Variants in G2E3 observed in about 807,000 individuals in gnomAD.
G2E3 encodes the protein G2/M phase-specific E3 ubiquitin-protein ligase.
Under a neutral mutation model 92.8 loss-of-function variants are expected in G2E3, and 35 were observed. The observed-to-expected ratio is 0.38, with a 90% CI of 0.29 to 0.50. G2E3 has a LOEUF of 0.50. Among genes scored for constraint, G2E3 ranks in the 20% least tolerant of loss-of-function variants. The probability of loss-of-function intolerance (pLI) is 0.94; values close to 1 mark genes in which losing one functional copy is unlikely to be tolerated. For synonymous variants in G2E3, 242 were observed against 272.4 expected (o/e 0.89, Z 1.10); for missense variants, 554 against 823.8 (o/e 0.67, Z 4.01).
At chr14:30,564,719 A>G (rs1879330057) in intron 1 of G2E3, among the ~76,000 whole-genome samples, 1 of 148,848 alleles carries the variant, frequency 6.7e-6, no homozygotes, top group Non-Finnish European at 1.5e-5. Flanking sequence ...GTTCCAAAAC[A>G]TGTAACCTTT....
chr14:30,577,335 TTG>T (rs560469786), intron 1 of G2E3, among the ~76,000 whole-genome samples: 109 of 152,280 alleles, frequency 7.2e-4, no homozygotes, highest in Admixed American at 1.6e-3. Flanking sequence ...CTTACTTTTT[TTG>T]TGTTAGTTAT....
intron 10 of G2E3, 134 bp downstream of exon 10, chr14:30,602,265 A>G: frequency 1.6e-6 from 1 of 638,408 alleles, no homozygotes; most frequent in Non-Finnish European, 2.6e-6. Flanking sequence ...TCAGGACCCA[A>G]CATTTGATCA....
chr14:30,615,153 CAT>C (rs1278137255), intron 13 of G2E3, among the ~76,000 whole-genome samples, 194 bp from the exon 14 acceptor site: 5 of 152,062 alleles, frequency 3.3e-5, no homozygotes, highest in Non-Finnish European at 2.9e-5. Context: ...TTGAAAGTAT[CAT>C]GTGTAGTATA....
At chr14:30,608,501 G>GGA (rs1162285915) in intron 12 of G2E3, among the ~76,000 whole-genome samples, 1 of 152,214 alleles carries the variant, frequency 6.6e-6, no homozygotes, top group African/African-American at 2.4e-5. Context: ...CCTTCTATAG[G>GGA]GAGGTATGAA....
chr14:30,578,332 A>G (rs1054416446), intron 1 of G2E3, among the ~76,000 whole-genome samples: 2 of 152,224 alleles, frequency 1.3e-5, no homozygotes, highest in African/African-American at 4.8e-5. Context: ...GAACTCCTAT[A>G]TATCCTTTAT....
chr14:30,563,974 C>G (rs1879282994), intron 1 of G2E3, among the ~76,000 whole-genome samples: 1 of 152,204 alleles, frequency 6.6e-6, no homozygotes, highest in Non-Finnish European at 1.5e-5. Flanking sequence ...CCGCTTCAGC[C>G]TCCCAAAGTC....
chr14:30,600,900 C>T (rs1881536804), intron 8 of G2E3, among the ~76,000 whole-genome samples: 1 of 152,190 alleles, frequency 6.6e-6, no homozygotes, highest in African/African-American at 2.4e-5. Flanking sequence ...CTACCTTCTA[C>T]AATTGTGAGG....
chr14:30,614,557 C>G (rs535705278), intron 13 of G2E3, among the ~76,000 whole-genome samples: 43 of 152,314 alleles, frequency 2.8e-4, no homozygotes, highest in African/African-American at 9.9e-4. Flanking sequence ...CTCTTAAGGA[C>G]CCTATCTCCC....
chr14:30,616,663 T>C lies in G2E3; in HGVS notation c.*129T>C, dbSNP rs1882330413. ...TCTTGACCTAATAAAATTTATGATA[T>C]GAATATAAAGGAATATTATAGCCAC... On this transcript the variant is annotated 3_prime_UTR_variant, in exon 15 of 15. Coordinates refer to ENST00000206595, the MANE Select transcript of G2E3 (RefSeq NM_017769.5). 1.4e-6 allele frequency: 1 copy of C among 697,232 alleles called. No individual in the cohort carries two copies. Among genetic ancestry groups the C allele is most frequent in the Non-Finnish European group, 2.3e-6 (1 of 427,056 alleles). The allele number at this position is 697,232 out of a possible 1,614,324, so 43.2% of individuals were successfully genotyped here. A position where few individuals can be genotyped will look rare whatever the true frequency, so the allele number is the denominator to read the frequency against.
intron 1 of G2E3, among the ~76,000 whole-genome samples, chr14:30,575,775 C>T (rs1594471634): frequency 1.3e-5 from 2 of 151,966 alleles, no homozygotes; most frequent in Admixed American, 1.3e-4. Context: ...ACAGTGGCTA[C>T]AAAAAGAATG....
chr14:30,573,165 T>C (rs1879868496), intron 1 of G2E3, among the ~76,000 whole-genome samples: 1 of 152,130 alleles, frequency 6.6e-6, no homozygotes. Context: ...GTTTATTATT[T>C]CCTAGAATGT....
chr14:30,605,891 A>G (rs1881810912), intron 11 of G2E3, 79 bp downstream of exon 11: 2 of 695,570 alleles, frequency 2.9e-6, no homozygotes, highest in South Asian at 2.3e-5. Flanking sequence ...TAGAATTGAT[A>G]TTTAATACCT....
rs149983595 is a variant in G2E3 at position 30,571,061 on chromosome 14, C to T, written c.-4-10015C>T. ...TAACATAAGGTCACAGAAATTTTCT[C>T]CTCTGTGTTTTTTCTAGAAATTTTA... On this transcript the variant is annotated intron_variant, in intron 1 of 14. Transcript: ENST00000206595. 1.0e-3 allele frequency among the ~76,000 whole-genome samples: 153 copies of T among 151,976 alleles called. 1 individual carries two copies. The highest frequency in any genetic ancestry group is 3.4e-3 in the African/African-American group (141 of 41,468).
Position 30,586,750 on chromosome 14 carries a change from C to T in G2E3, c.70C>T (p.Pro24Ser), listed in dbSNP as rs774906986. ...TTTCTGTCGAAAACATGATGACTGT[C>T]CTAATAAATACGGAGAAAAGAAAAC... ...CVFCRKHDDC[P>S]NKYGEKKTKE... The change falls in exon 3 of 15, where the codon CCT becomes TCT. Residue 24 changes from proline (P) to serine (S), a missense_variant. Pro to Ser is a moderately conservative substitution (Grantham distance 74, BLOSUM62 -1). This residue lies in a region of G2E3 where 137 missense variants were observed against 201.3 expected (regional missense o/e 0.68). Transcript: ENST00000206595. The T allele has an allele frequency of 7.0e-7, 1 of 1,432,132 alleles. No homozygotes were observed. The highest frequency in any genetic ancestry group is 1.4e-5 in the South Asian group (1 of 73,628). 88.7% of individuals were successfully genotyped at this position (1,432,132 alleles called of 1,614,324 possible).
chr14:30,603,505 G>A (rs1881679809), intron 10 of G2E3, among the ~76,000 whole-genome samples: 1 of 152,116 alleles, frequency 6.6e-6, no homozygotes. Flanking sequence ...TAGGGAAGAA[G>A]TAGAAAATTA....
chr14:30,586,482 C>T (rs1192046104), intron 2 of G2E3, among the ~76,000 whole-genome samples: 2 of 152,110 alleles, frequency 1.3e-5, no homozygotes, highest in East Asian at 1.9e-4. Context: ...GACGTTACTT[C>T]ATAAATTGCC....
rs1882474074 is a variant in G2E3 at position 30,619,701 on chromosome 14, C to CTA, written c.*3169_*3170dup. On this transcript the variant is annotated 3_prime_UTR_variant, in exon 15 of 15. Coordinates refer to ENST00000206595, the MANE Select transcript of G2E3 (RefSeq NM_017769.5). ...TCATAAACATATCCCAGTACCTACA[C>CTA]TATGCCAGGTATTATGCTAGGTGAT... The CTA allele has an allele frequency of 6.6e-6, 1 of 152,146 alleles. No individual in the cohort carries two copies. Among genetic ancestry groups the CTA allele is most frequent in the Admixed American group, 6.5e-5 (1 of 15,270 alleles). The allele number at this position is 152,146 out of a possible 1,614,324, so 9.4% of individuals were successfully genotyped here.
chr14:30,589,475 T>G lies in G2E3; in HGVS notation c.228T>G (p.Ala76=). 3 of 1,466,142 alleles carry G rather than the reference T, an allele frequency of 2.0e-6. No individual in the cohort carries two copies. The highest frequency in any genetic ancestry group is 2.9e-6 in the Non-Finnish European group (3 of 1,049,606). The allele number at this position is 1,466,142 out of a possible 1,614,324, so 90.8% of individuals were successfully genotyped here. Residue 76 remains alanine, a synonymous_variant, in exon 4 of 15, where the codon GCT becomes GCG. Coordinates refer to ENST00000206595, the MANE Select transcript of G2E3 (RefSeq NM_017769.5). Reference sequence around the variant, plus strand: ...ATATCAGGAAGGAAGTGAATAGAGCTTCTAAACTGGTAAGTAAATTATTTT... The same window carrying G: ...ATATCAGGAAGGAAGTGAATAGAGCGTCTAAACTGGTAAGTAAATTATTTT... ...IEDIRKEVNR[A]SKLKCCVCKK...
intron 1 of G2E3, among the ~76,000 whole-genome samples, chr14:30,567,013 G>T (rs2138769951): frequency 6.6e-6 from 1 of 152,202 alleles, no homozygotes; most frequent in East Asian, 1.9e-4. Context: ...AACCACCTTT[G>T]CATTTCTGGG....
Sources: allele counts gnomAD v4.1 joint callset (sites outside exome capture counted in the v4.1 genomes callset), GRCh38; gene constraint gnomAD v4.1.1; regional missense constraint gnomAD v4.1.1; transcripts MANE v1.5; gene names NCBI Gene and HGNC (gene_info 2026-07-23, HGNC 2026-07-21).